Variants in AATF observed in about 807,000 individuals in gnomAD.
The protein encoded by AATF is protein AATF.
In AATF, 48 loss-of-function variants were observed where a neutral mutation model predicts 63.7. The observed-to-expected ratio is 0.75, with a 90% CI of 0.60 to 0.96. The LOEUF (loss-of-function observed/expected upper bound fraction) is 0.96, where lower values mean the gene tolerates loss of function less well. Ranked by LOEUF, AATF falls within the 40% of genes least tolerant of loss-of-function variation. The pLI is 0.00. For synonymous variants in AATF, 258 were observed against 247.7 expected, an observed-to-expected ratio of 1.04 and a Z score of -0.39; for missense variants, 639 against 685.7, an observed-to-expected ratio of 0.93 and a Z score of 0.76.
intron 9 of AATF, among the ~76,000 whole-genome samples, chr17:37,020,393 A>G (rs1472366761): frequency 1.3e-5 from 2 of 152,016 alleles, no homozygotes; most frequent in African/African-American, 2.4e-5. Context: ...ATATTTATAG[A>G]TGAAATGAAA....
intron 4 of AATF, among the ~76,000 whole-genome samples, chr17:36,984,660 G>C (rs1385306330): frequency 6.6e-6 from 1 of 152,168 alleles, no homozygotes; most frequent in Admixed American, 6.5e-5. Flanking sequence ...TTTGGAGACA[G>C]CGTCTCGCTC....
chr17:37,033,793 G>C (rs763890308), intron 11 of AATF: 2 of 154,606 alleles, frequency 1.3e-5, no homozygotes, highest in Non-Finnish European at 2.9e-5. Flanking sequence ...TCCCAAGATG[G>C]CTGTTGCAAC....
chr17:37,004,528 T>C (rs2071327399), intron 8 of AATF, among the ~76,000 whole-genome samples: 1 of 151,844 alleles, frequency 6.6e-6, no homozygotes, highest in Non-Finnish European at 1.5e-5. Context: ...AGGAAAAAGG[T>C]AGGAATTGCT....
At chr17:36,965,481 C>T (rs932443181) in intron 4 of AATF, among the ~76,000 whole-genome samples, 3 of 152,122 alleles carry the variant, frequency 2.0e-5, no homozygotes, top group Non-Finnish European at 2.9e-5. Context: ...TCTGCAAAGT[C>T]CTTTTGACTT....
At chr17:37,043,446 G>A (rs1000657996) in intron 11 of AATF, among the ~76,000 whole-genome samples, 2 of 152,070 alleles carry the variant, frequency 1.3e-5, no homozygotes, top group African/African-American at 4.8e-5. Flanking sequence ...CACCCCCACT[G>A]AGCTTTCTTC....
chr17:36,956,512 A>G (rs1375944462), intron 4 of AATF, among the ~76,000 whole-genome samples: 3 of 152,010 alleles, frequency 2.0e-5, no homozygotes, highest in African/African-American at 7.3e-5. Context: ...GTCTCTACTG[A>G]AAATACAAAA....
At chr17:37,005,145 C>A (rs1382248186) in intron 8 of AATF, among the ~76,000 whole-genome samples, 5 of 117,976 alleles carry the variant, frequency 4.2e-5, no homozygotes, top group Non-Finnish European at 4.2e-5. Flanking sequence ...GGGGTGCTGC[C>A]CCAGACTCCG....
At chr17:36,958,720 T>C (rs1428915285) in intron 4 of AATF, among the ~76,000 whole-genome samples, 1 of 152,256 alleles carries the variant, frequency 6.6e-6, no homozygotes, top group Non-Finnish European at 1.5e-5. Flanking sequence ...TCTGCTCACC[T>C]TCTGGATTAT....
chr17:36,971,212 T>G (rs1473370879), intron 4 of AATF, among the ~76,000 whole-genome samples: 1 of 151,774 alleles, frequency 6.6e-6, no homozygotes, highest in Non-Finnish European at 1.5e-5. Flanking sequence ...TATAAAGAAC[T>G]CTCAAAACTC....
intron 8 of AATF, among the ~76,000 whole-genome samples, chr17:37,012,782 G>A (rs981072602): frequency 6.6e-6 from 1 of 152,088 alleles, no homozygotes; most frequent in Non-Finnish European, 1.5e-5. Flanking sequence ...ATGGTATAAT[G>A]GGATATCCAC....
At chr17:36,956,001 T>G (rs2070896830) in intron 4 of AATF, among the ~76,000 whole-genome samples, 1 of 152,186 alleles carries the variant, frequency 6.6e-6, no homozygotes, top group Non-Finnish European at 1.5e-5. Context: ...TGGTTTCAAA[T>G]GATCCTTCCG....
intron 8 of AATF, among the ~76,000 whole-genome samples, chr17:37,016,205 T>C (rs1009811708): frequency 1.3e-5 from 2 of 152,242 alleles, no homozygotes; most frequent in Non-Finnish European, 2.9e-5. Flanking sequence ...CTCTTTTTTC[T>C]TAGGAGTTAA....
chr17:37,006,892 G>A (rs1323352165), intron 8 of AATF, among the ~76,000 whole-genome samples: 1 of 152,214 alleles, frequency 6.6e-6, no homozygotes, highest in Non-Finnish European at 1.5e-5. Flanking sequence ...CTGCAACGCA[G>A]AATCAAAAAG....
Position 37,056,589 on chromosome 17 carries a change from T to G in AATF, c.1620-12T>G. On this transcript the variant is annotated splice_polypyrimidine_tract_variant and intron_variant, in intron 11 of 11. Transcript: ENST00000619387. ...CCAGTGTGTTAACCAGTTTGCTGTG[T>G]TTGTCTTTTAGGACAGAACTGTACC... 6.2e-7 allele frequency: 1 copy of G among 1,614,144 alleles called. No individual in the cohort carries two copies. The highest frequency in any genetic ancestry group is 8.5e-7 in the Non-Finnish European group (1 of 1,180,004).
At chr17:37,043,332 C>T (rs1204535486) in intron 11 of AATF, 1 of 152,284 alleles carries the variant, frequency 6.6e-6, no homozygotes, top group African/African-American at 2.4e-5. Flanking sequence ...TCTGTTCATT[C>T]TGCTCATAGC....
intron 7 of AATF, among the ~76,000 whole-genome samples, chr17:36,990,051 G>A (rs1165037363): frequency 6.6e-6 from 1 of 151,606 alleles, no homozygotes; most frequent in Non-Finnish European, 1.5e-5. Context: ...CAAGTTTTTG[G>A]GTCTTTTCTA....
chr17:36,951,573 A>G (rs1597695403), intron 2 of AATF, among the ~76,000 whole-genome samples: 1 of 152,290 alleles, frequency 6.6e-6, no homozygotes, highest in Non-Finnish European at 1.5e-5. Flanking sequence ...CCCATTTTAC[A>G]GATAAGGAAA....
At chr17:36,972,298 T>G (rs1385531487) in intron 4 of AATF, among the ~76,000 whole-genome samples, 1 of 152,340 alleles carries the variant, frequency 6.6e-6, no homozygotes, top group East Asian at 1.9e-4. Context: ...ATGAGATGTC[T>G]TTAAACTCTT....
chr17:36,956,394 CGG>C (rs1201393463), intron 4 of AATF, among the ~76,000 whole-genome samples: 2 of 152,194 alleles, frequency 1.3e-5, no homozygotes, highest in Non-Finnish European at 2.9e-5. Context: ...AATTCTTGGC[CGG>C]GTGCAGTGGC....
Sources: gnomAD v4.1 joint callset for allele counts (sites outside exome capture counted in the v4.1 genomes callset) on GRCh38, gnomAD v4.1.1 for gene constraint, MANE v1.5 for transcripts, NCBI Gene and HGNC (gene_info 2026-07-23, HGNC 2026-07-21) for gene names.